The following ATRX variants were observed in gnomAD, a reference collection of about 807,000 sequenced individuals.
The protein encoded by ATRX is ATRX chromatin remodeler.
Under a neutral mutation model 172.6 loss-of-function variants are expected in ATRX, and 12 were observed. That is an observed-to-expected ratio of 0.07 (90% CI 0.04 to 0.11). The LOEUF (loss-of-function observed/expected upper bound fraction) is 0.11. ATRX is among the 10% of genes least tolerant of loss of function. The pLI is 1.00. For synonymous variants in ATRX, 674 were observed against 594.7 expected, an observed-to-expected ratio of 1.13 and a Z score of -1.94; for missense variants, 1,368 against 1,767.4, an observed-to-expected ratio of 0.77 and a Z score of 4.05.
intron 15 of ATRX, among the ~76,000 whole-genome samples, chrX:77,643,042 C>G (rs2068731993): frequency 8.9e-6 from 1 of 111,909 alleles, no homozygotes; most frequent in Non-Finnish European, 1.9e-5. Flanking sequence ...CTTGCCCCAC[C>G]ACCTACCAGA....
At chrX:77,569,806 A>G (rs1557066430) in intron 28 of ATRX, among the ~76,000 whole-genome samples, 1 of 112,352 alleles carries the variant, frequency 8.9e-6, no homozygotes, top group African/African-American at 3.2e-5. Context: ...AAAGTTATCA[A>G]TTCTCTGCTG....
rs375917980 is a variant in ATRX at position 77,588,577 on chromosome X, G to T, written c.6217+1257C>A. Among the ~76,000 whole-genome samples the T allele has an allele frequency of 6.1e-4, 67 of 110,354 alleles. 2 individuals are homozygous for T. The South Asian group carries it at 0.023, about 39-fold the overall frequency. On this transcript the variant is annotated intron_variant, in intron 27 of 34. Transcript: ENST00000373344. ...AGCCCAGGAGTTCAAGACCAGTCTGGGCAAATAGAGGGAGACCTCATCTCT... is the reference window on the plus strand; with the variant it reads ...AGCCCAGGAGTTCAAGACCAGTCTGTGCAAATAGAGGGAGACCTCATCTCT...
intron 1 of ATRX, among the ~76,000 whole-genome samples, chrX:77,737,218 T>C (rs1334306125): frequency 9.2e-6 from 1 of 108,401 alleles, no homozygotes; most frequent in Non-Finnish European, 1.9e-5. Flanking sequence ...CGGTCAGGAG[T>C]TCGATAGCAG....
rs1796413344 is a variant in ATRX at position 77,506,238 on chromosome X, A to G, written c.*2113T>C. 2.3e-5 allele frequency: 4 copies of G among 171,011 alleles called. No homozygotes were observed. The South Asian group carries it at 9.4e-4, about 40-fold the overall frequency. The allele number at this position is 171,011 out of a possible 1,213,427, so 14.1% of individuals were successfully genotyped here. ...ACTGACGTGATTTTTTTGTCTTTAAATATTTGTTAAAGCTTGATGTTATAC... is the reference window on the plus strand; with the variant it reads ...ACTGACGTGATTTTTTTGTCTTTAAGTATTTGTTAAAGCTTGATGTTATAC... On this transcript the variant is annotated 3_prime_UTR_variant, in exon 35 of 35. Transcript: ENST00000373344.
chrX:77,767,882 C>CT (rs1408807004), intron 1 of ATRX, among the ~76,000 whole-genome samples: 11 of 111,949 alleles, frequency 9.8e-5, no homozygotes, highest in African/African-American at 3.6e-4. Flanking sequence ...CCTTCCTCTT[C>CT]TTATCTAGGT....
At chrX:77,694,577 T>C (rs1398608973) in intron 5 of ATRX, among the ~76,000 whole-genome samples, 2 of 110,936 alleles carry the variant, frequency 1.8e-5, no homozygotes, top group Non-Finnish European at 3.8e-5. Flanking sequence ...ATGAGATCAT[T>C]TGTTGATCCC....
In ATRX at chrX:77,620,630, T is replaced by A. The variant is rs191668424; in HGVS notation, c.5135-98A>T. The A allele has an allele frequency of 4.9e-6, 4 of 815,997 alleles. No individual in the cohort carries two copies. The African/African-American group carries it at 8.3e-5, about 17-fold the overall frequency. 67.2% of individuals were successfully genotyped at this position (815,997 alleles called of 1,213,427 possible). ...AAAGTTAATCCCTTTAAAGTGCTGA[T>A]CTTACAGGAAGATAAAATGACATCG... On this transcript the variant is annotated intron_variant, in intron 19 of 34. Coordinates refer to ENST00000373344, the MANE Select transcript of ATRX (RefSeq NM_000489.6).
intron 19 of ATRX, among the ~76,000 whole-genome samples, chrX:77,621,690 G>T (rs1463817069): frequency 8.9e-6 from 1 of 111,980 alleles, no homozygotes; most frequent in Non-Finnish European, 1.9e-5. Flanking sequence ...CTTAATTGCT[G>T]ATTTCAACAA....
intron 1 of ATRX, among the ~76,000 whole-genome samples, chrX:77,759,757 T>C (rs925015853): frequency 2.7e-4 from 30 of 110,585 alleles, no homozygotes; most frequent in Non-Finnish European, 4.4e-4. Flanking sequence ...TAAACAGGAA[T>C]GAAAAGTGGG....
intron 33 of ATRX, 191 bp downstream of exon 33, chrX:77,521,212 C>A: frequency 4.5e-6 from 2 of 443,633 alleles, no homozygotes; most frequent in Non-Finnish European, 7.8e-6. Context: ...ACATTTTACC[C>A]ATTTCTCTCT....
In ATRX at chrX:77,683,115, T is replaced by C. The variant is rs1422721079; in HGVS notation, c.2141A>G (p.Asn714Ser). The C allele has an allele frequency of 8.3e-7, 1 of 1,209,083 alleles. No homozygotes were observed. Among genetic ancestry groups the C allele is most frequent in the African/African-American group, 1.7e-5 (1 of 57,166 alleles). The change falls in exon 9 of 35, where the codon AAT becomes AGT. Residue 714 changes from asparagine (N) to serine (S), a missense_variant. Physicochemically the swap from Asn to Ser is conservative, Grantham distance 46. Around this residue, in one of 17 missense-constraint regions of ATRX, gnomAD observed 843 missense variants for 643.1 expected, o/e 1.31. Transcript: ENST00000373344. Reference protein sequence around the residue: ...SDSAIDNPKPNKLPKSKQSET... With the variant: ...SDSAIDNPKPSKLPKSKQSET... ...TGATTGCTTAGATTTTGGCAATTTA[T>C]TAGGCTTAGGATTATCTATAGCACT...
At position 77,739,606 on chromosome X, in the gene ATRX, T is replaced by C. The variant is rs1161071545; in HGVS notation, c.21-22363A>G. Among the ~76,000 whole-genome samples, 5 of 110,620 alleles carry C rather than the reference T, an allele frequency of 4.5e-5. No individual in the cohort carries two copies. The East Asian group carries it at 1.4e-3, about 31-fold the overall frequency. Reference sequence around the variant, plus strand: ...GAAAAACAAATTATTTTAAAACTAATTCTTAAAACATCCAATTGAAAGCAG... The same window carrying C: ...GAAAAACAAATTATTTTAAAACTAACTCTTAAAACATCCAATTGAAAGCAG... On this transcript the variant is annotated intron_variant, in intron 1 of 34. Transcript: ENST00000373344.
chrX:77,756,482 A>G (rs2075499808), intron 1 of ATRX, among the ~76,000 whole-genome samples: 1 of 110,420 alleles, frequency 9.1e-6, no homozygotes, highest in Non-Finnish European at 1.9e-5. Flanking sequence ...GGGCTGGTGG[A>G]GTTGGCACAC....
chrX:77,550,492 T>C (rs1485483863), intron 30 of ATRX, among the ~76,000 whole-genome samples: 1 of 111,347 alleles, frequency 9.0e-6, no homozygotes, highest in Non-Finnish European at 1.9e-5. Context: ...ATTTATGACA[T>C]ACCCACAGCC....
At chrX:77,531,411 A>G (rs1364117453) in intron 30 of ATRX, among the ~76,000 whole-genome samples, 1 of 112,148 alleles carries the variant, frequency 8.9e-6, no homozygotes, top group African/African-American at 3.2e-5. Context: ...AACCAGCAGC[A>G]CATCAAAAAG....
At position 77,507,443 on chromosome X, in the gene ATRX, A is replaced by G. The variant is rs191191299; in HGVS notation, c.*908T>C. On this transcript the variant is annotated 3_prime_UTR_variant, in exon 35 of 35. Transcript: ENST00000373344. ...ACAACCACAACTTCAGTGTTAACCT[A>G]CTAAAATGCTAGAACTTGATTTTCT... 109 of 172,768 alleles carry G rather than the reference A, an allele frequency of 6.3e-4. 1 individual carries two copies. In the East Asian group the frequency reaches 8.8e-3, roughly 14 times the overall value. 14.2% of individuals were successfully genotyped at this position (172,768 alleles called of 1,213,427 possible). A position where few individuals can be genotyped will look rare whatever the true frequency, so the allele number is the denominator to read the frequency against.
chrX:77,630,436 A>C (rs2068055647), intron 19 of ATRX, among the ~76,000 whole-genome samples: 1 of 112,185 alleles, frequency 8.9e-6, no homozygotes, highest in Non-Finnish European at 1.9e-5. Context: ...ATAGCAAAAC[A>C]ACTTTGAGAC....
chrX:77,745,634 G>A (rs2075041136), intron 1 of ATRX, among the ~76,000 whole-genome samples: 2 of 111,563 alleles, frequency 1.8e-5, no homozygotes, highest in Admixed American at 9.6e-5. Flanking sequence ...TGGTGGCACA[G>A]TGGGGATGGC....
chrX:77,637,379 G>A lies in ATRX; in HGVS notation c.4558-1323C>T, dbSNP rs189532006. ...TGCTGTCTTATCCTAATCTCTATCC[G>A]TTACATAGTATATTCAGTAACTACG... is the stretch of plus-strand genomic sequence containing the variant. On this transcript the variant is annotated intron_variant, in intron 15 of 34. Coordinates refer to ENST00000373344, the MANE Select transcript of ATRX (RefSeq NM_000489.6). Among the ~76,000 whole-genome samples, 287 of 110,642 alleles carry A rather than the reference G, an allele frequency of 2.6e-3. 1 individual carries two copies. The highest frequency in any genetic ancestry group is 9.0e-3 in the African/African-American group (274 of 30,412).
Sources: allele counts gnomAD v4.1 joint callset (sites outside exome capture counted in the v4.1 genomes callset), GRCh38; gene constraint gnomAD v4.1.1; regional missense constraint gnomAD v4.1.1; transcripts MANE v1.5; gene names NCBI Gene and HGNC (gene_info 2026-07-23, HGNC 2026-07-21).